Variants in ANXA4 observed in about 807,000 individuals in gnomAD.
ANXA4 encodes 35-beta calcimedin.
ANXA4 carries 39 observed loss-of-function variants against 49.8 expected under a neutral mutation model. The observed-to-expected ratio is 0.78, with a 90% CI of 0.61 to 1.02. The LOEUF (loss-of-function observed/expected upper bound fraction) is 1.02, where lower values mean the gene tolerates loss of function less well. Ranked by LOEUF, ANXA4 falls within the 50% of genes least tolerant of loss-of-function variation. ANXA4 has a pLI of 0.00. For synonymous variants in ANXA4, 134 were observed against 152.5 expected (o/e 0.88, Z 0.89); for missense variants, 360 against 410.1 (o/e 0.88, Z 1.05).
intron 2 of ANXA4, among the ~76,000 whole-genome samples, chr2:69,782,046 T>G (rs922658958): frequency 1.3e-5 from 2 of 152,158 alleles, no homozygotes; most frequent in Admixed American, 6.5e-5. Flanking sequence ...GGACCTTGGT[T>G]ATTTGCTCTT....
At chr2:69,697,649 T>G (rs115866270) in intron 2 of ANXA4, among the ~76,000 whole-genome samples, 113 of 152,358 alleles carry the variant, frequency 7.4e-4, no homozygotes, top group African/African-American at 2.6e-3. Context: ...AAATGAGAGA[T>G]GCACATGATT....
chr2:69,733,464 A>C (rs908542713), intron 3 of ANXA4, among the ~76,000 whole-genome samples: 1 of 152,106 alleles, frequency 6.6e-6, no homozygotes. Context: ...TTAGGTGGGC[A>C]TGGTGGGCAT....
intron 1 of ANXA4, among the ~76,000 whole-genome samples, chr2:69,744,790 T>C (rs1214416442): frequency 6.6e-6 from 1 of 152,222 alleles, no homozygotes; most frequent in Non-Finnish European, 1.5e-5. Flanking sequence ...TGTTCTCTTA[T>C]CCTCTCTGCC....
At chr2:69,776,210 A>G (rs1671957737) in intron 1 of ANXA4, among the ~76,000 whole-genome samples, 1 of 152,052 alleles carries the variant, frequency 6.6e-6, no homozygotes. Context: ...TCCTGACCTC[A>G]GGTGATCTAC....
intron 3 of ANXA4, among the ~76,000 whole-genome samples, chr2:69,793,979 C>T (rs776034604): frequency 1.3e-5 from 2 of 152,162 alleles, no homozygotes; most frequent in Non-Finnish European, 2.9e-5. Context: ...AAGCTGAATG[C>T]TCTTTAAGAA....
intron 2 of ANXA4, chr2:69,713,987 C>G (rs1005412766): frequency 2.0e-5 from 3 of 152,286 alleles, no homozygotes; most frequent in African/African-American, 7.2e-5. Flanking sequence ...CTCTCCCTTG[C>G]TCTGTCCTCC....
chr2:69,822,835 T>G (rs1183458162), intron 12 of ANXA4, among the ~76,000 whole-genome samples: 5 of 152,030 alleles, frequency 3.3e-5, no homozygotes, highest in Non-Finnish European at 7.4e-5. Flanking sequence ...GTTTTAGAAA[T>G]AGACAGTGAT....
intron 1 of ANXA4, among the ~76,000 whole-genome samples, chr2:69,774,996 G>A (rs367704911): frequency 5.9e-5 from 9 of 152,294 alleles, no homozygotes; most frequent in African/African-American, 2.2e-4. Context: ...TGCAGTGTTC[G>A]AAACCTAAGA....
chr2:69,649,190 T>C (rs115495208), intron 1 of ANXA4, among the ~76,000 whole-genome samples: 9,778 of 152,104 alleles, frequency 0.064, 1,022 homozygotes, highest in East Asian at 0.36. Context: ...CCAGCCTAAT[T>C]TTCTCTTTTA....
intron 1 of ANXA4, among the ~76,000 whole-genome samples, chr2:69,751,289 G>A (rs2105493836): frequency 6.6e-6 from 1 of 152,142 alleles, no homozygotes; most frequent in African/African-American, 2.4e-5. Flanking sequence ...CTAAGCAGGT[G>A]GATTGCCTGA....
At chr2:69,651,999 G>C (rs1676265896) in intron 1 of ANXA4, among the ~76,000 whole-genome samples, 1 of 151,340 alleles carries the variant, frequency 6.6e-6, no homozygotes, top group Non-Finnish European at 1.5e-5. Flanking sequence ...AATTTTTATT[G>C]CAAACATAAA....
At chr2:69,659,583 A>G (rs1463871808) in intron 2 of ANXA4, among the ~76,000 whole-genome samples, 1 of 152,322 alleles carries the variant, frequency 6.6e-6, no homozygotes, top group East Asian at 1.9e-4. Flanking sequence ...TGTCAAATAC[A>G]AGTATTTGGC....
At chr2:69,810,447 T>C (rs1673648504) in intron 6 of ANXA4, 147 bp from the exon 7 acceptor site, 1 of 640,246 alleles carries the variant, frequency 1.6e-6, no homozygotes, top group South Asian at 1.8e-5. Flanking sequence ...GTTTAGTTTT[T>C]GAAAAACTGT....
chr2:69,810,874 T>C (rs1673676771), intron 7 of ANXA4: 1 of 567,854 alleles, frequency 1.8e-6, no homozygotes, highest in South Asian at 2.1e-5. Flanking sequence ...TTTAATTTGA[T>C]ATTTACAAGT....
intron 3 of ANXA4, among the ~76,000 whole-genome samples, chr2:69,725,825 A>T (rs949971178): frequency 6.6e-6 from 1 of 152,228 alleles, no homozygotes; most frequent in Non-Finnish European, 1.5e-5. Flanking sequence ...ATGGCATTTT[A>T]AGAGCCACCT....
At chr2:69,782,436 C>T (rs1186459415) in intron 2 of ANXA4, among the ~76,000 whole-genome samples, 2 of 152,116 alleles carry the variant, frequency 1.3e-5, no homozygotes, top group Non-Finnish European at 2.9e-5. Context: ...ATGTGTGCCC[C>T]AAATCTCTCA....
In ANXA4 at chr2:69,826,516, G is replaced by T. The variant is rs1674477127; in HGVS notation, c.*1001G>T. 1 of 152,136 alleles carries T rather than the reference G, an allele frequency of 6.6e-6. No homozygotes were observed. The highest frequency in any genetic ancestry group is 2.4e-5 in the African/African-American group (1 of 41,418). The allele number at this position is 152,136 out of a possible 1,614,324, so 9.4% of individuals were successfully genotyped here. A position where few individuals can be genotyped will look rare whatever the true frequency, so the allele number is the denominator to read the frequency against. ...ATGGTGTTTTTAGGCCGGGGGCGGGGGCTCACGCCAGTAATCCCAACACTT... is the reference window on the plus strand; with the variant it reads ...ATGGTGTTTTTAGGCCGGGGGCGGGTGCTCACGCCAGTAATCCCAACACTT... On this transcript the variant is annotated 3_prime_UTR_variant, in exon 13 of 13. Coordinates refer to ENST00000394295, the MANE Select transcript of ANXA4 (RefSeq NM_001153.5).
chr2:69,668,265 A>G (rs1250892535), intron 2 of ANXA4, among the ~76,000 whole-genome samples: 2 of 152,138 alleles, frequency 1.3e-5, no homozygotes, highest in Non-Finnish European at 2.9e-5. Flanking sequence ...TTTATTTGTT[A>G]TTACAGAAGT....
intron 1 of ANXA4, among the ~76,000 whole-genome samples, chr2:69,775,436 T>C (rs550514867): frequency 6.6e-6 from 1 of 152,256 alleles, no homozygotes; most frequent in East Asian, 1.9e-4. Flanking sequence ...CAGCATGGTA[T>C]GCTACTCCGT....
Sources: gnomAD v4.1 joint callset for allele counts (sites outside exome capture counted in the v4.1 genomes callset) on GRCh38, gnomAD v4.1.1 for gene constraint, MANE v1.5 for transcripts, NCBI Gene and HGNC (gene_info 2026-07-23, HGNC 2026-07-21) for gene names.